The following FAM114A2 variants were observed in gnomAD, a reference collection of about 807,000 sequenced individuals.
FAM114A2 encodes the protein family with sequence similarity 114 member A2.
FAM114A2 carries 53 observed loss-of-function variants against 58.4 expected under a neutral mutation model. That is an observed-to-expected ratio of 0.91 (90% CI 0.73 to 1.14). The LOEUF is 1.14. Among genes scored for constraint, FAM114A2 ranks in the 50% most tolerant of loss-of-function variants. FAM114A2 has a pLI of 0.00. For missense variants in FAM114A2, 601 were observed against 581.1 expected (o/e 1.03, Z -0.35); for synonymous variants, 228 against 211.4 (o/e 1.08, Z -0.68).
chr5:154,012,636 G>A (rs1770773716), intron 8 of FAM114A2, among the ~76,000 whole-genome samples: 1 of 151,024 alleles, frequency 6.6e-6, no homozygotes. Context: ...CCTCTCTCTT[G>A]GTGTTTAAGG....
At chr5:153,994,345 T>C (rs1005177240) in intron 13 of FAM114A2, among the ~76,000 whole-genome samples, 8 of 152,158 alleles carry the variant, frequency 5.3e-5, no homozygotes, top group African/African-American at 1.9e-4. Context: ...GTTTACAAGG[T>C]AGAGTTCTTA....
At position 154,013,734 on chromosome 5, in the gene FAM114A2, C is replaced by T. The variant is rs568614136; in HGVS notation, c.914-2414G>A. ...TATAAATAACTGAGGACTGTCATGT[C>T]AAGGCTTGATTAGGAAATTAGGAAC... On this transcript the variant is annotated intron_variant, in intron 8 of 13. Transcript: ENST00000351797. 5.3e-4 allele frequency among the ~76,000 whole-genome samples: 80 copies of T among 152,268 alleles called. 1 individual carries two copies. The highest frequency in any genetic ancestry group is 6.0e-4 in the Non-Finnish European group (41 of 68,016).
intron 9 of FAM114A2, among the ~76,000 whole-genome samples, chr5:154,009,599 C>G (rs994403596): frequency 1.3e-5 from 2 of 152,128 alleles, no homozygotes; most frequent in Non-Finnish European, 2.9e-5. Flanking sequence ...GGAAAATAAA[C>G]TTTAACTGTA....
Position 153,991,334 on chromosome 5 carries a change from A to G in FAM114A2, c.*1642T>C, listed in dbSNP as rs1026550147. On this transcript the variant is annotated 3_prime_UTR_variant, in exon 14 of 14. Coordinates refer to ENST00000351797, the MANE Select transcript of FAM114A2 (RefSeq NM_018691.4). ...ACAAGAGGCTGAACAGACAGTAGGC[A>G]GAGTGACCAGTTTCTAAACTTTGCC... 3 of 152,226 alleles carry G rather than the reference A, an allele frequency of 2.0e-5. No individual in the cohort carries two copies. The highest frequency in any genetic ancestry group is 1.5e-5 in the Non-Finnish European group (1 of 68,034). 9.4% of individuals were successfully genotyped at this position (152,226 alleles called of 1,614,324 possible). A position where few individuals can be genotyped will look rare whatever the true frequency, so the allele number is the denominator to read the frequency against.
Position 154,002,244 on chromosome 5 carries a change from C to A in FAM114A2, c.1256+7G>T. The A allele has an allele frequency of 6.2e-7, 1 of 1,612,946 alleles. No individual in the cohort carries two copies. The highest frequency in any genetic ancestry group is 8.5e-7 in the Non-Finnish European group (1 of 1,179,004). On this transcript the variant is annotated splice_region_variant and intron_variant, in intron 11 of 13. Coordinates refer to ENST00000351797, the MANE Select transcript of FAM114A2 (RefSeq NM_018691.4). Reference sequence around the variant, plus strand: ...GCATCATTTAGAGGAATTCTCATTACACTTACTGGGAAAGAGTTTGGCTCC... The same window carrying A: ...GCATCATTTAGAGGAATTCTCATTAAACTTACTGGGAAAGAGTTTGGCTCC...
At chr5:153,995,482 T>C (rs1769495540) in intron 12 of FAM114A2, among the ~76,000 whole-genome samples, 1 of 152,062 alleles carries the variant, frequency 6.6e-6, no homozygotes, top group Admixed American at 6.5e-5. Context: ...GTCAAGAAAA[T>C]ACTACAGGGA....
rs549590159 is a variant in FAM114A2 at position 153,996,929 on chromosome 5, A to G, written c.1329+874T>C. On this transcript the variant is annotated intron_variant, in intron 12 of 13. Transcript: ENST00000351797. ...GAAGAATCACTTGGACCCAGGAGGC[A>G]GAGGTTGTAGTGAGCTGAGATCATG... is the stretch of plus-strand genomic sequence containing the variant. 2.4e-3 allele frequency among the ~76,000 whole-genome samples: 363 copies of G among 151,256 alleles called. 1 individual carries two copies. Among genetic ancestry groups the G allele is most frequent in the Non-Finnish European group, 4.2e-3 (286 of 67,826 alleles).
Position 153,992,193 on chromosome 5 carries a change from C to T in FAM114A2, c.*783G>A, listed in dbSNP as rs994128902. ...ATTTATCCTGCATATATGGTAGACA[C>T]GAAACACATCCTGAAGAGACTCAGA... is the stretch of plus-strand genomic sequence containing the variant. On this transcript the variant is annotated 3_prime_UTR_variant, in exon 14 of 14. Coordinates refer to ENST00000351797, the MANE Select transcript of FAM114A2 (RefSeq NM_018691.4). 2 of 152,094 alleles carry T rather than the reference C, an allele frequency of 1.3e-5. No homozygotes were observed. The highest frequency in any genetic ancestry group is 6.5e-5 in the Admixed American group (1 of 15,276). The allele number at this position is 152,094 out of a possible 1,614,324, so 9.4% of individuals were successfully genotyped here.
intron 9 of FAM114A2, among the ~76,000 whole-genome samples, chr5:154,010,373 T>C (rs748057072): frequency 6.6e-6 from 1 of 152,176 alleles, no homozygotes. Flanking sequence ...GTGAGGGAGA[T>C]GAGCTGCCTG....
At chr5:154,032,071 C>G (rs992213960) in intron 4 of FAM114A2, among the ~76,000 whole-genome samples, 1 of 152,196 alleles carries the variant, frequency 6.6e-6, no homozygotes, top group African/African-American at 2.4e-5. Flanking sequence ...TCCTTTTACA[C>G]GTAAAATGTG....
chr5:153,999,507 G>A (rs150518742), intron 11 of FAM114A2, among the ~76,000 whole-genome samples: 3 of 151,974 alleles, frequency 2.0e-5, no homozygotes, highest in East Asian at 1.9e-4. Flanking sequence ...TGGTGTGCAC[G>A]CTTGTAATCC....
At chr5:154,020,857 A>C (rs1358113134) in intron 8 of FAM114A2, among the ~76,000 whole-genome samples, 1 of 152,204 alleles carries the variant, frequency 6.6e-6, no homozygotes, top group Non-Finnish European at 1.5e-5. Context: ...AGAGAATTTT[A>C]GACCAATATC....
At chr5:154,025,291 C>CT (rs35038508) in intron 8 of FAM114A2, among the ~76,000 whole-genome samples, 91,546 of 149,678 alleles carry the variant, frequency 0.61, 28,253 homozygotes, top group East Asian at 0.87. Flanking sequence ...AAAACTGGCA[C>CT]TTTTTTTTTT....
At chr5:154,010,006 G>C (rs1770584220) in intron 9 of FAM114A2, among the ~76,000 whole-genome samples, 1 of 152,194 alleles carries the variant, frequency 6.6e-6, no homozygotes, top group African/African-American at 2.4e-5. Flanking sequence ...AAGTACTAAT[G>C]TTAAATTTAC....
At chr5:154,016,632 C>G (rs1771057240) in intron 8 of FAM114A2, among the ~76,000 whole-genome samples, 1 of 152,028 alleles carries the variant, frequency 6.6e-6, no homozygotes, top group Non-Finnish European at 1.5e-5. Flanking sequence ...AAAAGGAGCT[C>G]TCAATCTTGA....
chr5:153,998,613 A>G (rs1769744696), intron 11 of FAM114A2, among the ~76,000 whole-genome samples: 1 of 152,186 alleles, frequency 6.6e-6, no homozygotes, highest in South Asian at 2.1e-4. Context: ...CCTCACCAGA[A>G]GTCAAGCAGA....
intron 4 of FAM114A2, 135 bp downstream of exon 4, chr5:154,033,656 A>T: frequency 1.7e-6 from 1 of 589,414 alleles, no homozygotes; most frequent in Non-Finnish European, 3.0e-6. Context: ...GGAACTAAAG[A>T]TTCTAAATAC....
intron 9 of FAM114A2, among the ~76,000 whole-genome samples, chr5:154,006,455 T>C (rs957910556): frequency 1.2e-4 from 18 of 152,098 alleles, no homozygotes; most frequent in Non-Finnish European, 2.4e-4. Flanking sequence ...TACAAATAGT[T>C]AGGCAAAGAG....
chr5:154,001,163 C>T (rs1769944447), intron 11 of FAM114A2, among the ~76,000 whole-genome samples: 1 of 152,158 alleles, frequency 6.6e-6, no homozygotes, highest in Non-Finnish European at 1.5e-5. Context: ...AGACTATATA[C>T]ATATACATAT....
Sources: gnomAD v4.1 joint callset for allele counts (sites outside exome capture counted in the v4.1 genomes callset) on GRCh38, gnomAD v4.1.1 for gene constraint, MANE v1.5 for transcripts, NCBI Gene and HGNC (gene_info 2026-07-23, HGNC 2026-07-21) for gene names.